CFAP210: variants seen among roughly 807,000 people sequenced by gnomAD.
CFAP210 encodes cilia- and flagella- associated protein 210.
At chr2:169,666,500 C>T in the CFAP210 span, among the ~76,000 whole-genome samples, 1 of 151,186 alleles carries the variant, frequency 6.6e-6, no homozygotes, top group South Asian at 2.1e-4. Context: ...CTGAGGTATG[C>T]CTGTACTTTA....
At chr2:169,657,265 T>G in the CFAP210 span, among the ~76,000 whole-genome samples, 4 of 151,880 alleles carry the variant, frequency 2.6e-5, no homozygotes, top group Non-Finnish European at 5.9e-5. Flanking sequence ...CAATAAAAGT[T>G]CTCAGGATGA....
chr2:169,662,495 AGAAAT>A, the CFAP210 span: 1 of 1,407,528 alleles, frequency 7.1e-7, no homozygotes, highest in Non-Finnish European at 9.5e-7. Context: ...TATATTTTTA[AGAAAT>A]GAATTCAATT....
chr2:169,678,515 T>C, the CFAP210 span, among the ~76,000 whole-genome samples: 3 of 151,750 alleles, frequency 2.0e-5, no homozygotes, highest in African/African-American at 7.3e-5. Flanking sequence ...TTCGCATGAA[T>C]TGACAAGCAG....
the CFAP210 span, among the ~76,000 whole-genome samples, chr2:169,653,029 AATATATATATATATAT>A: frequency 0.038 from 1,505 of 39,994 alleles, 54 homozygotes; most frequent in Middle Eastern, 0.14. Flanking sequence ...AAAAAAAAAA[AATATATATATATATAT>A]ATATATATAT....
chr2:169,693,294 A>G, the CFAP210 span, among the ~76,000 whole-genome samples: 1 of 152,274 alleles, frequency 6.6e-6, no homozygotes, highest in Admixed American at 6.5e-5. Flanking sequence ...TTTAACAACT[A>G]TTAGGTAAAT....
At chr2:169,646,033 A>G in the CFAP210 span, 4 of 1,613,786 alleles carry the variant, frequency 2.5e-6, no homozygotes, top group South Asian at 2.2e-5. Flanking sequence ...GAGGGTAAAT[A>G]TATTTATTTG....
At chr2:169,662,408 T>A in the CFAP210 span, 1 of 1,599,838 alleles carries the variant, frequency 6.3e-7, no homozygotes, top group Non-Finnish European at 8.5e-7. Flanking sequence ...TTTTTCCTTC[T>A]TTCCTCTTCT....
At chr2:169,673,705 G>A in the CFAP210 span, among the ~76,000 whole-genome samples, 1 of 152,166 alleles carries the variant, frequency 6.6e-6, no homozygotes, top group South Asian at 2.1e-4. Context: ...TGTGTCGCCA[G>A]ATCAATGACT....
the CFAP210 span, among the ~76,000 whole-genome samples, chr2:169,687,725 C>A: frequency 6.6e-6 from 1 of 152,196 alleles, no homozygotes; most frequent in African/African-American, 2.4e-5. Context: ...GTGGATCCAC[C>A]ATGCTGGGGT....
the CFAP210 span, chr2:169,646,260 A>T: frequency 9.5e-7 from 1 of 1,048,462 alleles, no homozygotes; most frequent in Non-Finnish European, 1.4e-6. Flanking sequence ...GCATTTGAAA[A>T]TGTAGGTATA....
the CFAP210 span, among the ~76,000 whole-genome samples, chr2:169,652,492 C>T: frequency 6.6e-6 from 1 of 152,106 alleles, no homozygotes; most frequent in South Asian, 2.1e-4. Context: ...GTCCCAACTA[C>T]TCAAGAGGCT....
At chr2:169,692,205 T>A in the CFAP210 span, among the ~76,000 whole-genome samples, 1 of 152,230 alleles carries the variant, frequency 6.6e-6, no homozygotes, top group South Asian at 2.1e-4. Context: ...CTTTTAAGAT[T>A]TTCGGTCAGC....
chr2:169,686,844 G>C, the CFAP210 span, among the ~76,000 whole-genome samples: 1 of 152,020 alleles, frequency 6.6e-6, no homozygotes, highest in Non-Finnish European at 1.5e-5. Flanking sequence ...AAATCTCCCA[G>C]CCCATTAACA....
At chr2:169,664,026 T>TAAAA in the CFAP210 span, among the ~76,000 whole-genome samples, 1 of 102,034 alleles carries the variant, frequency 9.8e-6, no homozygotes, top group Admixed American at 1.0e-4. Flanking sequence ...CCAACTCTAC[T>TAAAA]AAAAAAAAAA....
chr2:169,659,202 C>A, the CFAP210 span: 1 of 152,238 alleles, frequency 6.6e-6, no homozygotes, highest in Non-Finnish European at 1.5e-5. Flanking sequence ...CTTGGTACAA[C>A]CTTTCATACC....
the CFAP210 span, chr2:169,649,108 G>T: frequency 1.5e-6 from 2 of 1,298,072 alleles, no homozygotes; most frequent in South Asian, 1.7e-5. Context: ...AACTGCTTGG[G>T]AGTAGAAAAC....
At chr2:169,656,964 C>CAAAA in the CFAP210 span, among the ~76,000 whole-genome samples, 3,046 of 40,120 alleles carry the variant, frequency 0.076, 267 homozygotes, top group Middle Eastern at 0.13. Context: ...GACTCCATCT[C>CAAAA]AAAAAAAAAA....
At chr2:169,661,496 G>T in the CFAP210 span, 3 of 249,548 alleles carry the variant, frequency 1.2e-5, no homozygotes, top group Non-Finnish European at 2.4e-5. Context: ...CCCAGGCCTG[G>T]AGCTAGAGAG....
At chr2:169,679,680 C>CAAAA in the CFAP210 span, among the ~76,000 whole-genome samples, 252 of 57,294 alleles carry the variant, frequency 4.4e-3, 4 homozygotes, top group African/African-American at 9.5e-3. Context: ...GACTCCATCT[C>CAAAA]AAAAAAAAAA....
Sources: allele counts gnomAD v4.1 joint callset (sites outside exome capture counted in the v4.1 genomes callset), GRCh38; gene constraint gnomAD v4.1.1; transcripts MANE v1.5; gene names NCBI Gene and HGNC (gene_info 2026-07-23, HGNC 2026-07-21).